HSD17B11: variants seen among roughly 807,000 people sequenced by gnomAD.
The protein encoded by HSD17B11 is hydroxysteroid 17-beta dehydrogenase 11.
A neutral mutation model predicts 27.8 loss-of-function variants in HSD17B11; 22 were observed. The observed-to-expected ratio is 0.79, with a 90% CI of 0.56 to 1.13. HSD17B11 has a LOEUF of 1.13. HSD17B11 is among the 50% of genes most tolerant of loss of function. The probability of loss-of-function intolerance (pLI) is 0.00; values close to 1 mark genes in which losing one functional copy is unlikely to be tolerated. For synonymous variants in HSD17B11, 117 were observed against 132.8 expected (o/e 0.88, Z 0.82); for missense variants, 314 against 351.1 (o/e 0.89, Z 0.84).
intron 4 of HSD17B11, among the ~76,000 whole-genome samples, chr4:87,370,907 C>T (rs1178803750): frequency 2.4e-5 from 3 of 123,550 alleles, no homozygotes; most frequent in East Asian, 4.0e-4. Flanking sequence ...CGCCCGCTAC[C>T]ACGCCCGGCT....
At chr4:87,371,876 G>T (rs1266964928) in intron 4 of HSD17B11, among the ~76,000 whole-genome samples, 10 of 152,128 alleles carry the variant, frequency 6.6e-5, no homozygotes, top group Non-Finnish European at 1.3e-4. Context: ...CACGAAGCTG[G>T]AAGTGTACAA....
At chr4:87,377,429 G>A (rs7690005) in intron 2 of HSD17B11, among the ~76,000 whole-genome samples, 2 of 149,628 alleles carry the variant, frequency 1.3e-5, no homozygotes, top group South Asian at 2.1e-4. Context: ...TAGCCTGAGC[G>A]ACAGAGCGAG....
chr4:87,358,155 T>G (rs898169234), intron 4 of HSD17B11, among the ~76,000 whole-genome samples: 3 of 151,678 alleles, frequency 2.0e-5, no homozygotes, highest in Non-Finnish European at 4.4e-5. Flanking sequence ...TAGAGACGGG[T>G]TTTCACCATG....
At chr4:87,362,185 G>A (rs755847806) in intron 4 of HSD17B11, among the ~76,000 whole-genome samples, 3 of 152,202 alleles carry the variant, frequency 2.0e-5, no homozygotes, top group East Asian at 1.9e-4. Flanking sequence ...CTTGACTGAC[G>A]TCAAGTTAGA....
At chr4:87,382,819 A>G (rs958094430) in intron 1 of HSD17B11, among the ~76,000 whole-genome samples, 1 of 152,234 alleles carries the variant, frequency 6.6e-6, no homozygotes, top group Admixed American at 6.5e-5. Flanking sequence ...TGTGAAGGTC[A>G]TATTCACTGA....
intron 5 of HSD17B11, among the ~76,000 whole-genome samples, chr4:87,341,158 G>C (rs1264372617): frequency 6.6e-6 from 1 of 151,776 alleles, no homozygotes; most frequent in African/African-American, 2.4e-5. Flanking sequence ...TTTTTTGGTT[G>C]TTGTTGTTTT....
chr4:87,372,840 G>GA (rs11375790), intron 3 of HSD17B11, 25 bp from the exon 4 acceptor site: 389,285 of 1,353,042 alleles, frequency 0.29, 63,934 homozygotes, highest in African/African-American at 0.54. Context: ...TATTAAAAGA[G>GA]AAAAAATACT....
chr4:87,346,948 C>G (rs1319321314), intron 5 of HSD17B11, among the ~76,000 whole-genome samples: 1 of 151,368 alleles, frequency 6.6e-6, no homozygotes, highest in African/African-American at 2.4e-5. Flanking sequence ...AATAACTGAG[C>G]TTAAAAAAAT....
chr4:87,346,894 T>A (rs187752463), intron 5 of HSD17B11, among the ~76,000 whole-genome samples: 2,199 of 151,296 alleles, frequency 0.015, 56 homozygotes, highest in African/African-American at 0.05. Flanking sequence ...TGTATATTTT[T>A]AAAAAATTTT....
Position 87,347,128 on chromosome 4 carries a change from T to C in HSD17B11, c.696-6522A>G, listed in dbSNP as rs1382530618. On this transcript the variant is annotated intron_variant, in intron 5 of 6. Coordinates refer to ENST00000358290, the MANE Select transcript of HSD17B11 (RefSeq NM_016245.5). ...ATTTTTTTTTTTTCTTTTTTTTTTT[T>C]TTTTTTTTATTATACTCTAAGTTTT... 4.5e-5 allele frequency among the ~76,000 whole-genome samples: 4 copies of C among 89,020 alleles called. No homozygotes were observed. In the South Asian group the frequency reaches 1.2e-3, roughly 26 times the overall value. The allele number at this position is 89,020 out of a possible 152,430, so 58.4% of individuals were successfully genotyped here. A position where few individuals can be genotyped will look rare whatever the true frequency, so the allele number is the denominator to read the frequency against.
chr4:87,378,786 T>C (rs1719980324), intron 2 of HSD17B11, among the ~76,000 whole-genome samples: 1 of 111,542 alleles, frequency 9.0e-6, no homozygotes, highest in Admixed American at 1.2e-4. Flanking sequence ...TGCGTGTATA[T>C]ATATATGATT....
At chr4:87,342,253 G>A (rs898919287) in intron 5 of HSD17B11, among the ~76,000 whole-genome samples, 1 of 151,818 alleles carries the variant, frequency 6.6e-6, no homozygotes, top group Non-Finnish European at 1.5e-5. Context: ...ATGATGGCAG[G>A]CACCTGTAAT....
intron 4 of HSD17B11, among the ~76,000 whole-genome samples, chr4:87,360,150 T>C (rs545591919): frequency 1.3e-5 from 2 of 152,060 alleles, no homozygotes; most frequent in Non-Finnish European, 2.9e-5. Flanking sequence ...TTTTTTTCAA[T>C]GTACAGATAT....
intron 5 of HSD17B11, among the ~76,000 whole-genome samples, chr4:87,341,770 G>A (rs1735174369): frequency 6.6e-6 from 1 of 152,012 alleles, no homozygotes; most frequent in Non-Finnish European, 1.5e-5. Context: ...GGAGGCTGAG[G>A]CTAGAGGATC....
At chr4:87,346,919 G>A (rs1019277231) in intron 5 of HSD17B11, among the ~76,000 whole-genome samples, 1 of 146,280 alleles carries the variant, frequency 6.8e-6, no homozygotes, top group Admixed American at 6.8e-5. Flanking sequence ...ACTATTTGTT[G>A]AAATTCAAGT....
intron 4 of HSD17B11, among the ~76,000 whole-genome samples, chr4:87,365,270 AAAGT>A (rs1448182066): frequency 2.0e-5 from 3 of 152,280 alleles, no homozygotes; most frequent in East Asian, 1.9e-4. Context: ...TTGACTTAGA[AAAGT>A]AAGTGCGTAA....
intron 6 of HSD17B11, among the ~76,000 whole-genome samples, chr4:87,338,014 G>A (rs551326200): frequency 1.3e-5 from 2 of 152,272 alleles, no homozygotes; most frequent in South Asian, 2.1e-4. Context: ...TCAGGAGACC[G>A]AGATCATCCT....
At position 87,373,667 on chromosome 4, in the gene HSD17B11, G is replaced by A. The variant is rs771935633; in HGVS notation, c.451-852C>T. Among the ~76,000 whole-genome samples, 209 of 152,160 alleles carry A rather than the reference G, an allele frequency of 1.4e-3. 1 individual carries two copies. Among genetic ancestry groups the A allele is most frequent in the Non-Finnish European group, 2.6e-3 (179 of 68,006 alleles). On this transcript the variant is annotated intron_variant, in intron 3 of 6. Coordinates refer to ENST00000358290, the MANE Select transcript of HSD17B11 (RefSeq NM_016245.5). Reference sequence around the variant, plus strand: ...TGAAGCTGCAGTGAGCCAAAATCACGTCACTGCACTCCAGCCTGGGCAACA... The same window carrying A: ...TGAAGCTGCAGTGAGCCAAAATCACATCACTGCACTCCAGCCTGGGCAACA...
At chr4:87,376,202 G>A (rs928584268) in intron 2 of HSD17B11, among the ~76,000 whole-genome samples, 1 of 152,098 alleles carries the variant, frequency 6.6e-6, no homozygotes, top group Non-Finnish European at 1.5e-5. Context: ...GTGTCTATGA[G>A]GGTACTTAAT....
Sources: allele counts gnomAD v4.1 joint callset (sites outside exome capture counted in the v4.1 genomes callset), GRCh38; gene constraint gnomAD v4.1.1; transcripts MANE v1.5; gene names NCBI Gene and HGNC (gene_info 2026-07-23, HGNC 2026-07-21).